The following SBNO2 variants were observed in gnomAD, a reference collection of about 807,000 sequenced individuals.
SBNO2 encodes strawberry notch homolog 2.
SBNO2 carries 89 observed loss-of-function variants against 146.3 expected under a neutral mutation model. The ratio of observed to expected loss-of-function variants is 0.61; its 90% CI spans 0.51 to 0.73. SBNO2 has a LOEUF of 0.73. Among genes scored for constraint, SBNO2 ranks in the 30% least tolerant of loss-of-function variants. The pLI is 0.00. For synonymous variants in SBNO2, 1,147 were observed against 892.6 expected, an observed-to-expected ratio of 1.29 and a Z score of -5.08; for missense variants, 2,092 against 2,003.7, an observed-to-expected ratio of 1.04 and a Z score of -0.84.
intron 2 of SBNO2, among the ~76,000 whole-genome samples, chr19:1,152,532 C>T (rs941077310): frequency 2.7e-4 from 41 of 152,132 alleles, no homozygotes; most frequent in African/African-American, 9.2e-4. Context: ...GGCCGGTACT[C>T]GAGCTCCACC....
In SBNO2 at chr19:1,173,669, T is replaced by G; in HGVS notation, c.-127+503A>C. 1 of 149,652 alleles carries G rather than the reference T, an allele frequency of 6.7e-6. No homozygotes were observed. The highest frequency in any genetic ancestry group is 1.5e-5 in the Non-Finnish European group (1 of 67,454). 9.3% of individuals were successfully genotyped at this position (149,652 alleles called of 1,614,324 possible). A position where few individuals can be genotyped will look rare whatever the true frequency, so the allele number is the denominator to read the frequency against. On this transcript the variant is annotated intron_variant, in intron 1 of 31. Coordinates refer to ENST00000361757, the MANE Select transcript of SBNO2 (RefSeq NM_014963.3). The surrounding 1 kb of genome is among the most constrained non-coding windows in gnomAD (Gnocchi z 4.7). The stretch of plus-strand genomic sequence containing the variant: ...ACCGGGGGTCACTCCCAGGAAGGGG[T>G]CGAGGTCACGAGGCGCATGGAGTCG...
intron 14 of SBNO2, among the ~76,000 whole-genome samples, chr19:1,117,735 C>T (rs989985412): frequency 2.6e-5 from 4 of 152,252 alleles, no homozygotes; most frequent in African/African-American, 4.8e-5. Flanking sequence ...GCACAGACTC[C>T]GCGCCCGCGG....
intron 2 of SBNO2, among the ~76,000 whole-genome samples, chr19:1,149,718 C>T (rs995606338): frequency 6.6e-6 from 1 of 152,228 alleles, no homozygotes; most frequent in African/African-American, 2.4e-5. Context: ...CTACCAGCAG[C>T]CCCATGTGCA....
intron 4 of SBNO2, chr19:1,132,300 A>C: frequency 7.6e-7 from 1 of 1,312,956 alleles, no homozygotes. Context: ...GCCGGCGCCT[A>C]CTTCCTCTAA....
rs114706253 is a variant in SBNO2 at position 1,109,795 on chromosome 19, G to A, written c.3029-18C>T. The A allele has an allele frequency of 2.9e-3, 4,470 of 1,553,714 alleles. 88 individuals carry two copies. The African/African-American group carries it at 0.046, about 16-fold the overall frequency. On this transcript the variant is annotated intron_variant, in intron 26 of 31. Transcript: ENST00000361757. The surrounding 1 kb of genome is among the most constrained non-coding windows in gnomAD (Gnocchi z 4.2). ...AGCAAGGTCTAGGGGGGCGGGTGGA[G>A]GGTAAGTGGTGTCCAGGCCTGGGAC...
intron 1 of SBNO2, chr19:1,168,831 C>T (rs564621600): frequency 1.3e-5 from 2 of 152,266 alleles, no homozygotes; most frequent in East Asian, 1.9e-4. Flanking sequence ...GTTCCAGAAA[C>T]GTTTACTGCC....
At position 1,108,490 on chromosome 19, in the gene SBNO2, C is replaced by T. The variant is rs1403574642; in HGVS notation, c.3831G>A (p.Pro1277=). ...GGCCGGCGTCCAGGGACAGCGGCGC[C>T]GGGAAAGAGAAGTGCGGGGGCGGCG... The part of the protein sequence containing the change: ...AFPPPPHFSF[P]APLSLDAGPG... The change falls in exon 32 of 32, where the codon CCG becomes CCA. Residue 1277 remains proline (P), a synonymous_variant. Transcript: ENST00000361757. 25 of 1,215,022 alleles carry T rather than the reference C, an allele frequency of 2.1e-5. No homozygotes were observed. Among genetic ancestry groups the T allele is most frequent in the Admixed American group, 4.7e-5 (1 of 21,378 alleles). The allele number at this position is 1,215,022 out of a possible 1,614,324, so 75.3% of individuals were successfully genotyped here. A position where few individuals can be genotyped will look rare whatever the true frequency, so the allele number is the denominator to read the frequency against.
chr19:1,128,411 GA>G (rs962021012), intron 4 of SBNO2: 4 of 287,594 alleles, frequency 1.4e-5, no homozygotes, highest in African/African-American at 9.8e-5. Context: ...TTTTTTTTTT[GA>G]GACGGATTCT....
chr19:1,162,701 C>T (rs2080361055), intron 1 of SBNO2, among the ~76,000 whole-genome samples: 2 of 152,214 alleles, frequency 1.3e-5, no homozygotes, highest in Non-Finnish European at 2.9e-5. Context: ...TCAACCCCAT[C>T]TCCAGAGCTC....
At position 1,144,041 on chromosome 19, in the gene SBNO2, G is replaced by C. The variant is rs2145288147; in HGVS notation, c.279+3268C>G. Among the ~76,000 whole-genome samples, 1 of 152,336 alleles carries C rather than the reference G, an allele frequency of 6.6e-6. No homozygotes were observed. Among genetic ancestry groups the C allele is most frequent in the South Asian group, 2.1e-4 (1 of 4,832 alleles). On this transcript the variant is annotated intron_variant, in intron 4 of 31. Transcript: ENST00000361757. The surrounding 1 kb of genome is among the most constrained non-coding windows in gnomAD (Gnocchi z 4.1). ...TGGCTGGGCTGCGCTGGGGGGCACG[G>C]CGCAAAGGGCCTCGAACACCAGGCT...
chr19:1,122,680 G>T lies in SBNO2; in HGVS notation c.892C>A (p.Arg298Ser). The T allele has an allele frequency of 6.5e-7, 1 of 1,531,690 alleles. No homozygotes were observed. The allele number at this position is 1,531,690 out of a possible 1,614,324, so 94.9% of individuals were successfully genotyped here. Residue 298 changes from arginine (R) to serine (S), a missense_variant, in exon 9 of 32, where the codon CGC (arginine) becomes AGC (serine). Arg to Ser is a moderately radical substitution (Grantham distance 110). Coordinates refer to ENST00000361757, the MANE Select transcript of SBNO2 (RefSeq NM_014963.3). ...CACCACAATGCTTTCTTCCGGCCGC[G>T]CAGGTGGTTCTCCAGGATGACTCCG... ...VAGVILENHLRGRKKALWFSV... is the reference protein window; with the variant it reads ...VAGVILENHLSGRKKALWFSV...
Position 1,144,113 on chromosome 19 carries a change from C to A in SBNO2, c.279+3196G>T, listed in dbSNP as rs552371811. Among the ~76,000 whole-genome samples the A allele has an allele frequency of 6.6e-6, 1 of 152,300 alleles. No individual in the cohort carries two copies. The highest frequency in any genetic ancestry group is 1.5e-5 in the Non-Finnish European group (1 of 68,012). On this transcript the variant is annotated intron_variant, in intron 4 of 31. Transcript: ENST00000361757. This position sits in a 1 kb window ranked among gnomAD's most constrained non-coding sequence, Gnocchi z 4.1. ...CTCCGCAGAACCACGCGGCCCAGCC[C>A]ACAGGCCTGGGCTGACTCATACCCG...
intron 4 of SBNO2, chr19:1,132,085 G>A (rs2080035707): frequency 2.6e-6 from 4 of 1,536,544 alleles, no homozygotes; most frequent in Non-Finnish European, 3.5e-6. Flanking sequence ...GGAAGGGAGT[G>A]TTACCTTGTT....
At chr19:1,118,174 T>C (rs2145210997) in intron 14 of SBNO2, among the ~76,000 whole-genome samples, 1 of 152,098 alleles carries the variant, frequency 6.6e-6, no homozygotes, top group East Asian at 1.9e-4. Flanking sequence ...ATCCTGTCTC[T>C]ACCAAAAATA....
chr19:1,116,778 G>T, intron 16 of SBNO2, 51 bp downstream of exon 16: 2 of 1,475,472 alleles, frequency 1.4e-6, no homozygotes, highest in Non-Finnish European at 1.8e-6. Context: ...ACAGAGAGGG[G>T]TGGCCATGAG....
At position 1,127,703 on chromosome 19, in the gene SBNO2, C is replaced by T. The variant is rs749003997; in HGVS notation, c.342G>A (p.Leu114=). Residue 114 remains leucine, a synonymous_variant, in exon 5 of 32, where the codon CTG becomes CTA. Transcript: ENST00000361757. ...ISIFSSSVDS[L]SDIVDTPDFL... ...AGTCGGGCGTGTCCACGATGTCCGA[C>T]AGGGAGTCCACGGACGAGGAGAAGA... The T allele has an allele frequency of 8.1e-6, 13 of 1,613,468 alleles. No homozygotes were observed. Among genetic ancestry groups the T allele is most frequent in the Non-Finnish European group, 1.1e-5 (13 of 1,179,870 alleles).
chr19:1,169,791 A>G (rs1450086277), intron 1 of SBNO2, among the ~76,000 whole-genome samples: 3 of 152,126 alleles, frequency 2.0e-5, no homozygotes, highest in Non-Finnish European at 4.4e-5. Context: ...CTGAGATACA[A>G]TCCACACCAG....
chr19:1,113,813 T>A, intron 18 of SBNO2, 109 bp from the exon 19 acceptor site: 1 of 1,328,868 alleles, frequency 7.5e-7, no homozygotes, highest in East Asian at 3.1e-5. Context: ...GGGGCAACCC[T>A]GAGGGACGGC....
At chr19:1,117,218 C>A (rs1003818849) in intron 15 of SBNO2, 105 bp downstream of exon 15, 10 of 1,193,124 alleles carry the variant, frequency 8.4e-6, no homozygotes, top group South Asian at 1.6e-5. Context: ...CAGGGTGCAG[C>A]CCCCGCCCAC....
Sources: allele counts gnomAD v4.1 joint callset (sites outside exome capture counted in the v4.1 genomes callset), GRCh38; gene constraint gnomAD v4.1.1; non-coding constraint Gnocchi (gnomAD v3.1); transcripts MANE v1.5; gene names NCBI Gene and HGNC (gene_info 2026-07-23, HGNC 2026-07-21).